CNKSR3: variants seen among roughly 807,000 people sequenced by gnomAD.
The protein encoded by CNKSR3 is connector enhancer of kinase suppressor of ras 3.
CNKSR3 carries 36 observed loss-of-function variants against 67.7 expected under a neutral mutation model. The observed-to-expected ratio is 0.53, with a 90% CI of 0.41 to 0.70. The LOEUF (loss-of-function observed/expected upper bound fraction) is 0.70, where lower values mean the gene tolerates loss of function less well. Among genes scored for constraint, CNKSR3 ranks in the 30% least tolerant of loss-of-function variants. CNKSR3 has a pLI of 0.00. For missense variants in CNKSR3, 630 were observed against 695.2 expected, an observed-to-expected ratio of 0.91 and a Z score of 1.05; for synonymous variants, 281 against 271.4, an observed-to-expected ratio of 1.04 and a Z score of -0.35.
At position 154,403,335 on chromosome 6, in the gene CNKSR3, G is replaced by A. The variant is rs1171924266; in HGVS notation, c.*3019C>T. ...AGGCAGGAGAATTGCCTGAACCTGG[G>A]AGGCAGAGGCTGCAGTGAGTTGAGA... is the stretch of plus-strand genomic sequence containing the variant. On this transcript the variant is annotated 3_prime_UTR_variant, in exon 13 of 13. Coordinates refer to ENST00000607772, the MANE Select transcript of CNKSR3 (RefSeq NM_173515.4). 1.3e-5 allele frequency: 2 copies of A among 151,782 alleles called. No homozygotes were observed. The highest frequency in any genetic ancestry group is 4.9e-5 in the African/African-American group (2 of 41,232). The allele number at this position is 151,782 out of a possible 1,614,324, so 9.4% of individuals were successfully genotyped here.
At position 154,407,894 on chromosome 6, in the gene CNKSR3, A is replaced by AAAC. The variant is rs1784835391; in HGVS notation, c.1370-1243_1370-1242insGTT. On this transcript the variant is annotated intron_variant, in intron 12 of 12. Transcript: ENST00000607772. ...TTTGAAAAAAAAAAAAAAAAAAAAA[A>AAAC]ACCTAAATTTCCAACAGTGGCACGT... is the stretch of plus-strand genomic sequence containing the variant. Among the ~76,000 whole-genome samples, 7 of 150,850 alleles carry AAAC rather than the reference A, an allele frequency of 4.6e-5. No homozygotes were observed. In the South Asian group the frequency reaches 1.5e-3, roughly 32 times the overall value.
chr6:154,427,035 G>T (rs1158526241), intron 7 of CNKSR3, among the ~76,000 whole-genome samples: 3 of 152,174 alleles, frequency 2.0e-5, no homozygotes, highest in Non-Finnish European at 4.4e-5. Context: ...TTATTGTCTA[G>T]GAGGTGACAT....
At position 154,464,277 on chromosome 6, in the gene CNKSR3, G is replaced by A. The variant is rs1786144928; in HGVS notation, c.53-14019C>T. 2.0e-5 allele frequency among the ~76,000 whole-genome samples: 3 copies of A among 152,318 alleles called. No individual in the cohort carries two copies. The South Asian group carries it at 6.2e-4, about 32-fold the overall frequency. ...ACTGCACATTGTCACAGCAGGGACAGCAGTGTCCCCTCTGCTGTCCTTCCC... is the reference window on the plus strand; with the variant it reads ...ACTGCACATTGTCACAGCAGGGACAACAGTGTCCCCTCTGCTGTCCTTCCC... On this transcript the variant is annotated intron_variant, in intron 1 of 12. Transcript: ENST00000607772.
rs961651527 is a variant in CNKSR3 at position 154,390,471 on chromosome 6, A to C, written c.*15883T>G. 6.6e-6 allele frequency: 1 copy of C among 152,232 alleles called. No homozygotes were observed. Among genetic ancestry groups the C allele is most frequent in the Admixed American group, 6.5e-5 (1 of 15,278 alleles). The allele number at this position is 152,232 out of a possible 1,614,324, so 9.4% of individuals were successfully genotyped here. On this transcript the variant is annotated 3_prime_UTR_variant, in exon 13 of 13. Coordinates refer to ENST00000607772, the MANE Select transcript of CNKSR3 (RefSeq NM_173515.4). The stretch of plus-strand genomic sequence containing the variant: ...AGGGACATTAACTTCTCATGGAAAA[A>C]TTCTCACTATTAGGAGACAGGAAAT...
intron 1 of CNKSR3, among the ~76,000 whole-genome samples, chr6:154,464,943 C>G (rs1447404987): frequency 3.3e-5 from 5 of 151,494 alleles, no homozygotes; most frequent in African/African-American, 1.2e-4. Context: ...AGTTCGAGAC[C>G]AGCCTGGCCA....
At chr6:154,459,067 G>A (rs1392753080) in intron 1 of CNKSR3, among the ~76,000 whole-genome samples, 3 of 128,786 alleles carry the variant, frequency 2.3e-5, no homozygotes, top group Non-Finnish European at 3.4e-5. Flanking sequence ...AAGAAAGAAA[G>A]AAGAAAAAAA....
At chr6:154,481,911 C>T (rs1786574978) in intron 1 of CNKSR3, among the ~76,000 whole-genome samples, 1 of 152,198 alleles carries the variant, frequency 6.6e-6, no homozygotes, top group African/African-American at 2.4e-5. Context: ...GCTGGGGTGG[C>T]AAGCTCTAAT....
At position 154,392,612 on chromosome 6, in the gene CNKSR3, G is replaced by A. The variant is rs780055128; in HGVS notation, c.*13742C>T. The A allele has an allele frequency of 5.9e-5, 9 of 152,234 alleles. No individual in the cohort carries two copies. The highest frequency in any genetic ancestry group is 1.9e-4 in the African/African-American group (8 of 41,470). The allele number at this position is 152,234 out of a possible 1,614,324, so 9.4% of individuals were successfully genotyped here. A position where few individuals can be genotyped will look rare whatever the true frequency, so the allele number is the denominator to read the frequency against. The stretch of plus-strand genomic sequence containing the variant: ...GATTGTAAGCTCTATGATGAAGGAG[G>A]CACCAGCCTCTCTATTGGCATCATC... On this transcript the variant is annotated 3_prime_UTR_variant, in exon 13 of 13. Transcript: ENST00000607772.
intron 1 of CNKSR3, among the ~76,000 whole-genome samples, chr6:154,499,542 T>C (rs1322631552): frequency 1.3e-5 from 2 of 152,254 alleles, no homozygotes; most frequent in African/African-American, 2.4e-5. Flanking sequence ...CCCGCATGTA[T>C]GTGCCTGGGA....
At position 154,442,363 on chromosome 6, in the gene CNKSR3, C is replaced by T. The variant is rs1437381348; in HGVS notation, c.217-73G>A. On this transcript the variant is annotated intron_variant, in intron 2 of 12. Transcript: ENST00000607772. Reference sequence around the variant, plus strand: ...TTCGACAGGGCGCGGTGGCTCACGCCTGTAATCCTAGCACTTTGGGAGGCT... The same window carrying T: ...TTCGACAGGGCGCGGTGGCTCACGCTTGTAATCCTAGCACTTTGGGAGGCT... 3.8e-6 allele frequency: 5 copies of T among 1,300,300 alleles called. No homozygotes were observed. In the Admixed American group the frequency reaches 5.2e-5, roughly 14 times the overall value. 80.5% of individuals were successfully genotyped at this position (1,300,300 alleles called of 1,614,324 possible).
intron 1 of CNKSR3, among the ~76,000 whole-genome samples, chr6:154,478,992 T>C (rs1050172995): frequency 1.3e-5 from 2 of 152,232 alleles, no homozygotes; most frequent in Non-Finnish European, 2.9e-5. Context: ...TCCTAAATTC[T>C]ACATAGTAAA....
intron 1 of CNKSR3, among the ~76,000 whole-genome samples, chr6:154,480,691 A>G (rs1414308440): frequency 1.3e-5 from 2 of 152,120 alleles, no homozygotes; most frequent in Non-Finnish European, 2.9e-5. Flanking sequence ...ATAAACATCA[A>G]TTTTACATCC....
rs1476451215 is a variant in CNKSR3 at position 154,406,745 on chromosome 6, G to A, written c.1370-93C>T. ...CGCACTTTGGGAGGTCGAGGTGGGT[G>A]GATCACGAGGTCAAGAGATCTAGAC... On this transcript the variant is annotated intron_variant, in intron 12 of 12. Transcript: ENST00000607772. 1.3e-5 allele frequency: 14 copies of A among 1,085,596 alleles called. 1 individual carries two copies. The highest frequency in any genetic ancestry group is 5.5e-4 in the Middle Eastern group (2 of 3,644). The allele number at this position is 1,085,596 out of a possible 1,614,324, so 67.2% of individuals were successfully genotyped here.
chr6:154,508,895 G>A (rs183631124), intron 1 of CNKSR3, among the ~76,000 whole-genome samples: 3 of 152,268 alleles, frequency 2.0e-5, no homozygotes, highest in East Asian at 1.9e-4. Flanking sequence ...GAGATGTAGC[G>A]GTGATCAGTT....
chr6:154,461,904 G>A (rs962150858), intron 1 of CNKSR3, among the ~76,000 whole-genome samples: 7 of 152,088 alleles, frequency 4.6e-5, no homozygotes, highest in Non-Finnish European at 8.8e-5. Context: ...CATATTATCC[G>A]CAACCGATGC....
At chr6:154,495,278 G>C (rs1786854602) in intron 1 of CNKSR3, among the ~76,000 whole-genome samples, 1 of 151,608 alleles carries the variant, frequency 6.6e-6, no homozygotes, top group African/African-American at 2.4e-5. Context: ...CTACAAACTA[G>C]AACAGCTTTT....
intron 7 of CNKSR3, among the ~76,000 whole-genome samples, chr6:154,424,918 C>T (rs979050421): frequency 1.3e-5 from 2 of 152,148 alleles, no homozygotes; most frequent in Non-Finnish European, 2.9e-5. Flanking sequence ...ATTATAGGCA[C>T]CCACCACCAC....
rs1787187370 is a variant in CNKSR3 at position 154,510,175 on chromosome 6, C to T, written c.-61G>A. On this transcript the variant is annotated 5_prime_UTR_variant, in exon 1 of 13. Coordinates refer to ENST00000607772, the MANE Select transcript of CNKSR3 (RefSeq NM_173515.4). ...CGCAGATAAAGTGCTGCTGCCTGCG[C>T]TCCGGTGCCCCTTCCCGGGAGGGCG... The T allele has an allele frequency of 5.0e-6, 8 of 1,599,172 alleles. No individual in the cohort carries two copies. The highest frequency in any genetic ancestry group is 1.7e-5 in the Admixed American group (1 of 59,868).
At chr6:154,450,581 T>TA (rs1785807222) in intron 1 of CNKSR3, among the ~76,000 whole-genome samples, 1 of 152,222 alleles carries the variant, frequency 6.6e-6, no homozygotes, top group Non-Finnish European at 1.5e-5. Context: ...GTCTGTTTGC[T>TA]AAGCAACCCT....
Sources: allele counts gnomAD v4.1 joint callset (sites outside exome capture counted in the v4.1 genomes callset), GRCh38; gene constraint gnomAD v4.1.1; transcripts MANE v1.5; gene names NCBI Gene and HGNC (gene_info 2026-07-23, HGNC 2026-07-21).